MYT1L: variants seen among roughly 807,000 people sequenced by gnomAD.
MYT1L encodes the protein myelin transcription factor 1-like protein.
In MYT1L, 12 loss-of-function variants were observed where a neutral mutation model predicts 126.7. The observed-to-expected ratio is 0.09, with a 90% CI of 0.06 to 0.15. The LOEUF is 0.15. MYT1L is among the 10% of genes least tolerant of loss of function. The pLI is 1.00. For synonymous variants in MYT1L, 541 were observed against 604.2 expected (o/e 0.90, Z 1.53); for missense variants, 979 against 1,585.2 (o/e 0.62, Z 6.49).
intron 18 of MYT1L, among the ~76,000 whole-genome samples, chr2:1,877,679 G>C (rs114103904): frequency 6.6e-6 from 1 of 152,168 alleles, no homozygotes; most frequent in Non-Finnish European, 1.5e-5. Flanking sequence ...TGCTGGGACA[G>C]GCAGGGGTTC....
Position 2,224,018 on chromosome 2 carries a change from T to C in MYT1L, c.-420-51030A>G, listed in dbSNP as rs544343834. 1.1e-3 allele frequency among the ~76,000 whole-genome samples: 175 copies of C among 152,242 alleles called. No homozygotes were observed. Among genetic ancestry groups the C allele is most frequent in the Non-Finnish European group, 2.0e-3 (135 of 68,020 alleles). On this transcript the variant is annotated intron_variant, in intron 2 of 24. Transcript: ENST00000647738. The surrounding 1 kb of genome is among the most constrained non-coding windows in gnomAD (Gnocchi z 4.0). Reference sequence around the variant, plus strand: ...ACTGAGTTGACAGGTGGAGTGTGTATGTTGTGTGAGGTAACTTTAAGGTGT... The same window carrying C: ...ACTGAGTTGACAGGTGGAGTGTGTACGTTGTGTGAGGTAACTTTAAGGTGT...
At chr2:1,898,820 G>A (rs1343334209) in intron 14 of MYT1L, among the ~76,000 whole-genome samples, 6 of 152,208 alleles carry the variant, frequency 3.9e-5, no homozygotes, top group African/African-American at 1.4e-4. Flanking sequence ...GAGGGAAGAA[G>A]GGAGCTCTGC....
intron 18 of MYT1L, among the ~76,000 whole-genome samples, chr2:1,874,304 G>A (rs1436741768): frequency 6.6e-6 from 1 of 152,110 alleles, no homozygotes; most frequent in Non-Finnish European, 1.5e-5. Flanking sequence ...TCTGTGAAAT[G>A]GGCACGGAAG....
At chr2:2,058,460 T>A (rs1219028687) in intron 3 of MYT1L, among the ~76,000 whole-genome samples, 2 of 152,234 alleles carry the variant, frequency 1.3e-5, no homozygotes, top group African/African-American at 2.4e-5. Context: ...TTGTGGATTA[T>A]GTGTGTGTAT....
At chr2:2,049,153 T>C (rs928885788) in intron 4 of MYT1L, among the ~76,000 whole-genome samples, 2 of 152,232 alleles carry the variant, frequency 1.3e-5, no homozygotes, top group African/African-American at 4.8e-5. Flanking sequence ...AAAGCAAGAC[T>C]CAAAATTATT....
intron 2 of MYT1L, among the ~76,000 whole-genome samples, chr2:2,256,506 C>T (rs1245369221): frequency 1.3e-5 from 2 of 152,194 alleles, no homozygotes; most frequent in Non-Finnish European, 2.9e-5. Context: ...CCATCTGGCT[C>T]TAAGGTCAAA....
At chr2:2,085,811 C>CACGCA (rs2150348967) in intron 3 of MYT1L, among the ~76,000 whole-genome samples, 1 of 152,310 alleles carries the variant, frequency 6.6e-6, no homozygotes, top group African/African-American at 2.4e-5. Context: ...AATCGACCCA[C>CACGCA]ACGCACCTCT....
At chr2:2,186,095 A>AGGCCTTCCG (rs1357352160) in intron 2 of MYT1L, among the ~76,000 whole-genome samples, 1 of 88,420 alleles carries the variant, frequency 1.1e-5, no homozygotes, top group East Asian at 3.8e-4. Flanking sequence ...GGACGCAGCC[A>AGGCCTTCCG]GGCCTTCCGG....
At chr2:2,001,935 A>G (rs1280742748) in intron 4 of MYT1L, among the ~76,000 whole-genome samples, 1 of 152,136 alleles carries the variant, frequency 6.6e-6, no homozygotes, top group East Asian at 1.9e-4. Context: ...TCTACATGGA[A>G]ATAGGATGGT....
chr2:1,966,206 G>A (rs1021734533), intron 8 of MYT1L, among the ~76,000 whole-genome samples: 3 of 152,218 alleles, frequency 2.0e-5, no homozygotes, highest in African/African-American at 7.2e-5. Flanking sequence ...GAGGCAGGGG[G>A]CTCCTCTAAC....
intron 1 of MYT1L, among the ~76,000 whole-genome samples, chr2:2,298,200 G>C (rs1384627216): frequency 2.0e-5 from 3 of 152,184 alleles, no homozygotes; most frequent in Non-Finnish European, 1.5e-5. Flanking sequence ...ACATTTCCCA[G>C]GAGCCTCAGT....
chr2:2,146,149 TAG>T (rs2084846529), intron 3 of MYT1L, among the ~76,000 whole-genome samples: 2 of 152,238 alleles, frequency 1.3e-5, no homozygotes, highest in South Asian at 2.1e-4. Context: ...CACATCAGGA[TAG>T]AGTTTTATAT....
intron 21 of MYT1L, among the ~76,000 whole-genome samples, chr2:1,822,902 A>G (rs995073005): frequency 6.6e-6 from 1 of 152,142 alleles, no homozygotes; most frequent in Admixed American, 6.5e-5. Flanking sequence ...TAATCCTAGC[A>G]GAAGGGAAAT....
At chr2:2,053,459 G>C (rs909012277) in intron 4 of MYT1L, among the ~76,000 whole-genome samples, 3 of 152,164 alleles carry the variant, frequency 2.0e-5, no homozygotes, top group Admixed American at 2.0e-4. Flanking sequence ...GCCATAACCT[G>C]AAGTTTTTCA....
intron 3 of MYT1L, among the ~76,000 whole-genome samples, chr2:2,123,890 C>T (rs1344853591): frequency 1.1e-4 from 16 of 152,100 alleles, no homozygotes; most frequent in East Asian, 3.9e-4. Flanking sequence ...TAGCATGTGG[C>T]GGGGCCCTGA....
At chr2:2,050,258 A>C (rs1368278911) in intron 4 of MYT1L, among the ~76,000 whole-genome samples, 1 of 152,204 alleles carries the variant, frequency 6.6e-6, no homozygotes, top group Non-Finnish European at 1.5e-5. Context: ...TCACTGTTTT[A>C]AATATATTTC....
At chr2:1,876,249 T>C (rs2046892941) in intron 18 of MYT1L, among the ~76,000 whole-genome samples, 1 of 152,022 alleles carries the variant, frequency 6.6e-6, no homozygotes, top group Admixed American at 6.6e-5. Context: ...TCGCTGGGGG[T>C]GGCAACAGAC....
chr2:2,121,066 A>C (rs1272766812), intron 3 of MYT1L, among the ~76,000 whole-genome samples: 3 of 152,222 alleles, frequency 2.0e-5, no homozygotes, highest in African/African-American at 7.2e-5. Flanking sequence ...GGTGCCCCCC[A>C]GCCCGTGGAT....
At chr2:2,119,261 T>C (rs2080639666) in intron 3 of MYT1L, among the ~76,000 whole-genome samples, 2 of 152,222 alleles carry the variant, frequency 1.3e-5, no homozygotes, top group Non-Finnish European at 2.9e-5. Context: ...CTTGTAATAA[T>C]ATATTGCTTT....
Sources: gnomAD v4.1 joint callset for allele counts (sites outside exome capture counted in the v4.1 genomes callset) on GRCh38, gnomAD v4.1.1 for gene constraint, Gnocchi (gnomAD v3.1) non-coding constraint, MANE v1.5 for transcripts, NCBI Gene and HGNC (gene_info 2026-07-23, HGNC 2026-07-21) for gene names.